GABRB1: variants seen among roughly 807,000 people sequenced by gnomAD.
GABRB1 encodes gamma-aminobutyric acid receptor subunit beta-1.
Under a neutral mutation model 51.6 loss-of-function variants are expected in GABRB1, and 17 were observed. The observed-to-expected ratio is 0.33, with a 90% CI of 0.23 to 0.49. GABRB1 has a LOEUF of 0.49. GABRB1 is among the 20% of genes least tolerant of loss of function. The pLI is 0.99. For synonymous variants in GABRB1, 247 were observed against 218.9 expected, an observed-to-expected ratio of 1.13 and a Z score of -1.14; for missense variants, 410 against 600.6, an observed-to-expected ratio of 0.68 and a Z score of 3.32.
chr4:47,014,426 C>T (rs1352853222), intron 1 of GABRB1, among the ~76,000 whole-genome samples: 1 of 152,108 alleles, frequency 6.6e-6, no homozygotes, highest in Non-Finnish European at 1.5e-5. Context: ...AGGATAAGCA[C>T]TATTGACATC....
intron 5 of GABRB1, among the ~76,000 whole-genome samples, chr4:47,380,041 A>G (rs1727538590): frequency 6.6e-6 from 1 of 151,954 alleles, no homozygotes; most frequent in South Asian, 2.1e-4. Flanking sequence ...AATTATGATC[A>G]CAAGGGAACA....
intron 5 of GABRB1, among the ~76,000 whole-genome samples, chr4:47,375,350 T>C (rs1193486764): frequency 1.3e-5 from 2 of 152,160 alleles, no homozygotes; most frequent in Non-Finnish European, 2.9e-5. Context: ...AGGAAAACAA[T>C]CATGAATAAA....
At chr4:47,150,328 A>G (rs1404322829) in intron 3 of GABRB1, among the ~76,000 whole-genome samples, 9 of 139,856 alleles carry the variant, frequency 6.4e-5, no homozygotes, top group Non-Finnish European at 1.2e-4. Context: ...ACACACACAC[A>G]CACACACACA....
At chr4:47,205,598 A>G (rs1164787275) in intron 4 of GABRB1, among the ~76,000 whole-genome samples, 1 of 152,148 alleles carries the variant, frequency 6.6e-6, no homozygotes, top group Non-Finnish European at 1.5e-5. Flanking sequence ...TCTGTAGGTC[A>G]TGCTCTCAGA....
intron 3 of GABRB1, among the ~76,000 whole-genome samples, chr4:47,148,055 G>T (rs10001568): frequency 0.86 from 130,824 of 152,114 alleles, 56,275 homozygotes; most frequent in African/African-American, 0.9. Context: ...GACTAGAGAA[G>T]TCTACTTAGG....
At chr4:47,142,107 T>C (rs551032927) in intron 3 of GABRB1, among the ~76,000 whole-genome samples, 7 of 152,000 alleles carry the variant, frequency 4.6e-5, no homozygotes, top group South Asian at 4.2e-4. Context: ...ATGTGATAAA[T>C]GCTAAAATAA....
At chr4:47,214,452 C>T (rs1720477986) in intron 4 of GABRB1, among the ~76,000 whole-genome samples, 1 of 152,090 alleles carries the variant, frequency 6.6e-6, no homozygotes, top group Non-Finnish European at 1.5e-5. Flanking sequence ...GTATCCTAGT[C>T]ATGATATAGG....
Position 47,014,427 on chromosome 4 carries a change from T to C in GABRB1, c.-19-17487T>C, listed in dbSNP as rs530363536. 5.3e-5 allele frequency among the ~76,000 whole-genome samples: 8 copies of C among 152,318 alleles called. No homozygotes were observed. The South Asian group carries it at 1.2e-3, about 24-fold the overall frequency. On this transcript the variant is annotated intron_variant, in intron 1 of 3. Transcript: ENST00000513567. ...CATGTTTGTATTATAGGATAAGCACTATTGACATCTTCTTTTATGTTTTAT... is the reference window on the plus strand; with the variant it reads ...CATGTTTGTATTATAGGATAAGCACCATTGACATCTTCTTTTATGTTTTAT...
At chr4:47,142,473 G>T (rs1200128192) in intron 3 of GABRB1, among the ~76,000 whole-genome samples, 1 of 151,792 alleles carries the variant, frequency 6.6e-6, no homozygotes, top group African/African-American at 2.4e-5. Context: ...GAAAAAGCAT[G>T]TTGACAAATT....
chr4:47,183,721 A>G (rs1417689000), intron 4 of GABRB1, among the ~76,000 whole-genome samples: 1 of 151,772 alleles, frequency 6.6e-6, no homozygotes, highest in Non-Finnish European at 1.5e-5. Context: ...GTGTTGCCTT[A>G]CATCCACATG....
At chr4:47,138,224 G>C (rs1716761380) in intron 3 of GABRB1, among the ~76,000 whole-genome samples, 1 of 152,060 alleles carries the variant, frequency 6.6e-6, no homozygotes, top group African/African-American at 2.4e-5. Flanking sequence ...TGTCTCAATA[G>C]TGAAAGAGAG....
At chr4:47,035,415 G>A (rs1369326482) in intron 3 of GABRB1, among the ~76,000 whole-genome samples, 5 of 152,060 alleles carry the variant, frequency 3.3e-5, no homozygotes, top group Admixed American at 6.6e-5. Flanking sequence ...GAATAATGCC[G>A]ATGTAGATAA....
At chr4:47,071,471 T>A (rs1727333554) in intron 3 of GABRB1, among the ~76,000 whole-genome samples, 1 of 152,112 alleles carries the variant, frequency 6.6e-6, no homozygotes, top group Non-Finnish European at 1.5e-5. Flanking sequence ...CATGCCTGCC[T>A]CCTTTCTGTT....
At chr4:47,082,481 A>G (rs1341398739) in intron 3 of GABRB1, among the ~76,000 whole-genome samples, 1 of 152,116 alleles carries the variant, frequency 6.6e-6, no homozygotes, top group African/African-American at 2.4e-5. Context: ...ATTGAAGTAT[A>G]TTTTAAAAGA....
At chr4:47,189,495 A>G (rs1719337307) in intron 4 of GABRB1, among the ~76,000 whole-genome samples, 1 of 151,876 alleles carries the variant, frequency 6.6e-6, no homozygotes, top group African/African-American at 2.4e-5. Context: ...AACCTCTATA[A>G]ATGAAGAGAC....
At position 47,286,655 on chromosome 4, in the gene GABRB1, G is replaced by T. The variant is rs370100166; in HGVS notation, c.462-33472G>T. On this transcript the variant is annotated intron_variant, in intron 4 of 8. Transcript: ENST00000295454. ...TTGAGCTTAGATAGTAAGTAAACCT[G>T]TAGCTTATGAGGTATAGGTAAAATT... 1.3e-3 allele frequency among the ~76,000 whole-genome samples: 198 copies of T among 152,280 alleles called. 1 individual carries two copies. Among genetic ancestry groups the T allele is most frequent in the African/African-American group, 4.5e-3 (188 of 41,546 alleles).
At chr4:47,089,324 C>T (rs1005268514) in intron 3 of GABRB1, among the ~76,000 whole-genome samples, 3 of 152,086 alleles carry the variant, frequency 2.0e-5, no homozygotes, top group African/African-American at 7.2e-5. Context: ...TGCAATAGTA[C>T]CGGGACCTAT....
At chr4:47,410,473 C>T (rs1213633995) in intron 8 of GABRB1, among the ~76,000 whole-genome samples, 1 of 152,134 alleles carries the variant, frequency 6.6e-6, no homozygotes. Context: ...GAAGCCATGT[C>T]CCAGACTGAG....
At chr4:47,030,438 G>T (rs1725251553), upstream of GABRB1, among the ~76,000 whole-genome samples, 1 of 152,090 alleles carries the variant, frequency 6.6e-6, no homozygotes, top group Non-Finnish European at 1.5e-5. Flanking sequence ...ATAAAAGTAA[G>T]CAGCAGACTA....
Sources: allele counts gnomAD v4.1 joint callset (sites outside exome capture counted in the v4.1 genomes callset), GRCh38; gene constraint gnomAD v4.1.1; transcripts MANE v1.5; gene names NCBI Gene and HGNC (gene_info 2026-07-23, HGNC 2026-07-21).